The following DET1 variants were observed in gnomAD, a reference collection of about 807,000 sequenced individuals.
DET1 encodes DET1 homolog.
In DET1, 22 loss-of-function variants were observed where a neutral mutation model predicts 43.7. The ratio of observed to expected loss-of-function variants is 0.50; its 90% CI spans 0.36 to 0.72. The LOEUF is 0.72. Among genes scored for constraint, DET1 ranks in the 30% least tolerant of loss-of-function variants. DET1 has a pLI of 0.00. For synonymous variants in DET1, 315 were observed against 266.2 expected, an observed-to-expected ratio of 1.18 and a Z score of -1.79; for missense variants, 713 against 713.3, an observed-to-expected ratio of 1.00 and a Z score of 0.00.
intron 3 of DET1, among the ~76,000 whole-genome samples, chr15:88,525,911 A>C (rs763982916): frequency 2.0e-5 from 3 of 151,034 alleles, no homozygotes; most frequent in Non-Finnish European, 4.4e-5. Context: ...CTTGGACTCA[A>C]GCAATCCACC....
chr15:88,537,015 C>G (rs1043329855), intron 1 of DET1, among the ~76,000 whole-genome samples: 2 of 152,058 alleles, frequency 1.3e-5, no homozygotes, highest in Non-Finnish European at 2.9e-5. Flanking sequence ...TATTCTGTCT[C>G]CTTCTGAAAA....
chr15:88,524,246 C>A (rs1001185401), intron 3 of DET1, among the ~76,000 whole-genome samples: 2 of 151,404 alleles, frequency 1.3e-5, no homozygotes, highest in African/African-American at 4.9e-5. Flanking sequence ...TGCCTGGCCG[C>A]CCCATCTGAG....
At chr15:88,521,929 G>A (rs2056501857) in intron 3 of DET1, among the ~76,000 whole-genome samples, 2 of 150,404 alleles carry the variant, frequency 1.3e-5, no homozygotes, top group African/African-American at 2.5e-5. Context: ...CGCTGATAAA[G>A]GTTTAATTTT....
At chr15:88,519,223 C>T (rs1209144861) in intron 3 of DET1, among the ~76,000 whole-genome samples, 1 of 152,178 alleles carries the variant, frequency 6.6e-6, no homozygotes, top group African/African-American at 2.4e-5. Flanking sequence ...ACTCTCCATG[C>T]TCCCCACTGA....
chr15:88,523,721 A>G (rs924268824), intron 3 of DET1, among the ~76,000 whole-genome samples: 3 of 145,728 alleles, frequency 2.1e-5, no homozygotes, highest in Non-Finnish European at 4.4e-5. Context: ...GATTGCAGAC[A>G]GAGTCTCGCT....
chr15:88,536,509 G>C (rs930874101), intron 1 of DET1: 2 of 533,562 alleles, frequency 3.7e-6, no homozygotes, highest in African/African-American at 3.9e-5. Context: ...GCCGGGTGCA[G>C]TGGCTCACGC....
chr15:88,520,381 A>G (rs1487911401), intron 3 of DET1, among the ~76,000 whole-genome samples: 1 of 152,152 alleles, frequency 6.6e-6, no homozygotes, highest in Non-Finnish European at 1.5e-5. Context: ...ATCTCACTCA[A>G]ACTACTCTTG....
chr15:88,540,423 G>T (rs2057076576), intron 1 of DET1, among the ~76,000 whole-genome samples: 1 of 151,384 alleles, frequency 6.6e-6, no homozygotes, highest in African/African-American at 2.4e-5. Flanking sequence ...TGTCCATGTT[G>T]GATCTGATAC....
chr15:88,506,260 G>A (rs899102182), intron 7 of DET1, among the ~76,000 whole-genome samples: 1 of 152,132 alleles, frequency 6.6e-6, no homozygotes, highest in Non-Finnish European at 1.5e-5. Flanking sequence ...TTATCATCAT[G>A]CCCAGGGGTA....
rs778315040 is a variant in DET1, at chr15:88,527,754, C to T, written c.1116G>A (p.Thr372=). The T allele has an allele frequency of 1.5e-5, 24 of 1,611,822 alleles. No individual in the cohort carries two copies. The highest frequency in any genetic ancestry group is 1.6e-4 in the Middle Eastern group (1 of 6,074). The change falls in exon 3 of 5, where the codon ACG becomes ACA. Residue 372 remains threonine (T), a synonymous_variant. Coordinates refer to ENST00000268148, the MANE Select transcript of DET1 (RefSeq NM_001144074.3). ...TCTCAAACACAGCAATCACCTCTGT[C>T]GTCACCATATTGTACACCACAAAGA... ...ASFFVVYNMV[T]TEVIAVFENT...
intron 1 of DET1, among the ~76,000 whole-genome samples, chr15:88,533,795 A>G (rs1476928010): frequency 7.0e-6 from 1 of 143,804 alleles, no homozygotes; most frequent in Non-Finnish European, 1.5e-5. Flanking sequence ...GCTGAGGTGG[A>G]CCACTTGAGC....
chr15:88,528,320 C>G (rs996153306), intron 2 of DET1, among the ~76,000 whole-genome samples: 1 of 152,162 alleles, frequency 6.6e-6, no homozygotes, highest in Non-Finnish European at 1.5e-5. Flanking sequence ...TTATTTTTCC[C>G]TCTTAATATT....
At position 88,531,882 on chromosome 15, in the gene DET1, T is replaced by C. The variant is rs2056825148; in HGVS notation, c.-10-167A>G. On this transcript the variant is annotated intron_variant, in intron 1 of 4. Transcript: ENST00000268148. The surrounding 1 kb of genome is among the most constrained non-coding windows in gnomAD (Gnocchi z 6.2). ...CCAGATTATACTGAGTAAGTGGTCC[T>C]AACATTTCTAAGTCTAGAAACAGGT... 4 of 656,132 alleles carry C rather than the reference T, an allele frequency of 6.1e-6. No homozygotes were observed. The South Asian group carries it at 8.4e-5, about 14-fold the overall frequency. 40.6% of individuals were successfully genotyped at this position (656,132 alleles called of 1,614,324 possible). A position where few individuals can be genotyped will look rare whatever the true frequency, so the allele number is the denominator to read the frequency against.
At position 88,516,290 on chromosome 15, in the gene DET1, A is replaced by G. The variant is rs1254161050; in HGVS notation, c.1463+492T>C. ...AGGAAAGAATTTCTTGTAAGACGTC[A>G]GTTTCAAACTTCTAACAATAACACA... On this transcript the variant is annotated intron_variant, in intron 4 of 4. Transcript: ENST00000268148. The surrounding 1 kb of genome is among the most constrained non-coding windows in gnomAD (Gnocchi z 4.4). Among the ~76,000 whole-genome samples the G allele has an allele frequency of 6.6e-6, 1 of 152,242 alleles. No homozygotes were observed. The highest frequency in any genetic ancestry group is 1.5e-5 in the Non-Finnish European group (1 of 68,054).
At chr15:88,505,539 G>A (rs761456644) in intron 7 of DET1, 4 of 152,094 alleles carry the variant, frequency 2.6e-5, no homozygotes, top group Admixed American at 6.5e-5. Context: ...CTTAAAAAGC[G>A]CTTACACTGA....
At chr15:88,505,287 T>A (rs1394208667) in intron 7 of DET1, 1 of 152,244 alleles carries the variant, frequency 6.6e-6, no homozygotes, top group Non-Finnish European at 1.5e-5. Flanking sequence ...CCTTGTTTGC[T>A]GTTTGATAGG....
rs888001576 is a variant in DET1 at position 88,512,731 on chromosome 15, C to A, written c.*220G>T. On this transcript the variant is annotated 3_prime_UTR_variant, in exon 5 of 5. Transcript: ENST00000268148. ...ATGCTGGGCATTCCCACAGGGAAAA[C>A]GCAAGAGGATATTATAACAATCAGT... The A allele has an allele frequency of 1.0e-5, 13 of 1,265,978 alleles. No homozygotes were observed. The highest frequency in any genetic ancestry group is 3.0e-5 in the African/African-American group (2 of 65,720). The allele number at this position is 1,265,978 out of a possible 1,614,324, so 78.4% of individuals were successfully genotyped here.
At chr15:88,503,001 C>T (rs1202056983) in intron 8 of DET1, 3 of 152,298 alleles carry the variant, frequency 2.0e-5, no homozygotes, top group East Asian at 3.8e-4. Flanking sequence ...GCCAGGGTCA[C>T]ACCTGTAATC....
chr15:88,544,584 T>TA (rs2057197578), intron 1 of DET1, among the ~76,000 whole-genome samples: 1 of 152,130 alleles, frequency 6.6e-6, no homozygotes, highest in African/African-American at 2.4e-5. Flanking sequence ...TAGTGTTTGT[T>TA]AAAAAGTTTC....
Sources: allele counts gnomAD v4.1 joint callset (sites outside exome capture counted in the v4.1 genomes callset), GRCh38; gene constraint gnomAD v4.1.1; non-coding constraint Gnocchi (gnomAD v3.1); transcripts MANE v1.5; gene names NCBI Gene and HGNC (gene_info 2026-07-23, HGNC 2026-07-21).